The following SWAP70 variants were observed in gnomAD, a reference collection of about 807,000 sequenced individuals.
The protein encoded by SWAP70 is switching B cell complex subunit SWAP70.
In SWAP70, 34 loss-of-function variants were observed where a neutral mutation model predicts 80.2. The ratio of observed to expected loss-of-function variants is 0.42; its 90% CI spans 0.32 to 0.56. The LOEUF (loss-of-function observed/expected upper bound fraction) is 0.56, where lower values mean the gene tolerates loss of function less well. Ranked by LOEUF, SWAP70 falls within the 20% of genes least tolerant of loss-of-function variation. The pLI is 0.09. For missense variants in SWAP70, 578 were observed against 690.7 expected, an observed-to-expected ratio of 0.84 and a Z score of 1.83; for synonymous variants, 239 against 238.5, an observed-to-expected ratio of 1.00 and a Z score of -0.02.
chr11:9,739,432 T>A (rs527720926), intron 8 of SWAP70, among the ~76,000 whole-genome samples: 1 of 152,262 alleles, frequency 6.6e-6, no homozygotes, highest in Non-Finnish European at 1.5e-5. Flanking sequence ...TTACTGAACA[T>A]TGGCTTTTTC....
intron 3 of SWAP70, among the ~76,000 whole-genome samples, chr11:9,722,388 C>T (rs1340706567): frequency 6.6e-6 from 1 of 152,212 alleles, no homozygotes; most frequent in Non-Finnish European, 1.5e-5. Flanking sequence ...ACGTTAAGTG[C>T]AGTGACCTAG....
chr11:9,726,101 T>C lies in SWAP70; in HGVS notation c.642+1216T>C, dbSNP rs114757762. Reference sequence around the variant, plus strand: ...GTGAATTTTTTTCTTCTTTATTCCTTTCTGTATTATTGGACTTTCTATATG... The same window carrying C: ...GTGAATTTTTTTCTTCTTTATTCCTCTCTGTATTATTGGACTTTCTATATG... On this transcript the variant is annotated intron_variant, in intron 4 of 11. Coordinates refer to ENST00000318950, the MANE Select transcript of SWAP70 (RefSeq NM_015055.4). Among the ~76,000 whole-genome samples, 911 of 152,292 alleles carry C rather than the reference T, an allele frequency of 6.0e-3. 6 individuals are homozygous for C. The highest frequency in any genetic ancestry group is 0.021 in the African/African-American group (861 of 41,558).
chr11:9,743,570 T>C (rs1487439448), intron 9 of SWAP70, among the ~76,000 whole-genome samples: 1 of 151,626 alleles, frequency 6.6e-6, no homozygotes, highest in African/African-American at 2.4e-5. Context: ...TGTTGTTTCC[T>C]GACTTTTTAA....
chr11:9,727,931 A>G, intron 4 of SWAP70, 122 bp from the exon 5 acceptor site: 2 of 983,764 alleles, frequency 2.0e-6, no homozygotes, highest in South Asian at 1.9e-5. Flanking sequence ...TCCAAGAACA[A>G]TTGGTGTTCA....
intron 6 of SWAP70, among the ~76,000 whole-genome samples, chr11:9,730,966 G>A (rs1329382924): frequency 6.6e-6 from 1 of 152,100 alleles, no homozygotes; most frequent in African/African-American, 2.4e-5. Flanking sequence ...AGTGTCTGCT[G>A]TTGCCACTTT....
Position 9,664,208 on chromosome 11 carries a change from A to G in SWAP70, c.29A>G (p.Lys10Arg). 1 of 1,591,598 alleles carries G rather than the reference A, an allele frequency of 6.3e-7. No individual in the cohort carries two copies. Among genetic ancestry groups the G allele is most frequent in the Admixed American group, 1.7e-5 (1 of 57,328 alleles). The change falls in exon 1 of 12, where the codon AAA (lysine) becomes AGA (arginine). Residue 10 changes from lysine to arginine, a missense_variant. Physicochemically the swap from Lys to Arg is conservative, Grantham distance 26. Transcript: ENST00000318950. MGSLKEELLKAIWHAFTALD... is the reference protein window; with the variant it reads MGSLKEELLRAIWHAFTALD... ...GGGAGCTTGAAGGAGGAGCTGCTCA[A>G]AGCCATCTGGCACGCCTTCACCGCA...
chr11:9,698,298 A>C (rs535744072), intron 2 of SWAP70, among the ~76,000 whole-genome samples: 127 of 151,926 alleles, frequency 8.4e-4, no homozygotes, highest in African/African-American at 2.7e-3. Context: ...ATGGGGTTTT[A>C]CCATGTTGGC....
chr11:9,725,060 C>T (rs1014656017), intron 4 of SWAP70, 175 bp downstream of exon 4: 12 of 569,956 alleles, frequency 2.1e-5, no homozygotes, highest in Non-Finnish European at 2.4e-5. Flanking sequence ...AGTGCAGTGA[C>T]GTGATCTTGG....
chr11:9,747,910 G>T lies in SWAP70; in HGVS notation c.1408G>T (p.Glu470Ter). ...KRAELEKWHL[E>*]QQQAIQTTEA... is the part of the protein sequence containing the mutation. ...GGCTGAACTAGAAAAGTGGCACTTG[G>T]AGCAGCAGCAGGCCATTCAGACAAC... The change falls in exon 10 of 12, where the codon GAG becomes TAG. Residue 470 changes from glutamate (E) to a stop codon, truncating the protein, a stop_gained. Transcript: ENST00000318950. LOFTEE classifies it high-confidence loss of function. The T allele has an allele frequency of 6.2e-7, 1 of 1,614,186 alleles. No homozygotes were observed. The highest frequency in any genetic ancestry group is 8.5e-7 in the Non-Finnish European group (1 of 1,180,044).
intron 1 of SWAP70, among the ~76,000 whole-genome samples, chr11:9,672,195 C>CTATTTATATATATATA (rs530619499): frequency 1.3e-5 from 1 of 78,418 alleles, no homozygotes; most frequent in Non-Finnish European, 2.3e-5. Context: ...ATGTGTGTGT[C>CTATTTATATATATATA]TATATATATA....
At chr11:9,742,280 A>T (rs1458923482) in intron 9 of SWAP70, among the ~76,000 whole-genome samples, 1 of 152,086 alleles carries the variant, frequency 6.6e-6, no homozygotes, top group African/African-American at 2.4e-5. Flanking sequence ...TTATTTTATT[A>T]TTCTAAATTT....
At chr11:9,683,171 G>A (rs940538543) in intron 1 of SWAP70, among the ~76,000 whole-genome samples, 2 of 152,180 alleles carry the variant, frequency 1.3e-5, no homozygotes, top group South Asian at 4.1e-4. Context: ...GGCTGAGGCA[G>A]GTGGATGGCT....
At chr11:9,664,344 G>A in intron 1 of SWAP70, 66 bp downstream of exon 1, 3 of 1,497,872 alleles carry the variant, frequency 2.0e-6, no homozygotes, top group East Asian at 2.6e-5. Context: ...TCCCTTGGGT[G>A]GAAGCGGGAC....
intron 2 of SWAP70, among the ~76,000 whole-genome samples, chr11:9,698,100 GTT>G (rs1255294896): frequency 2.6e-5 from 3 of 116,288 alleles, no homozygotes; most frequent in Non-Finnish European, 1.6e-5. Flanking sequence ...CATGTTTTTT[GTT>G]TTTTTTTTTT....
intron 4 of SWAP70, 121 bp from the exon 5 acceptor site, chr11:9,727,932 T>G (rs1201716207): frequency 2.0e-6 from 2 of 981,532 alleles, no homozygotes; most frequent in Non-Finnish European, 2.9e-6. Flanking sequence ...CCAAGAACAA[T>G]TGGTGTTCAT....
chr11:9,690,257 A>G (rs1422883376), intron 1 of SWAP70, among the ~76,000 whole-genome samples: 2 of 152,158 alleles, frequency 1.3e-5, no homozygotes, highest in Non-Finnish European at 1.5e-5. Context: ...GCCATCAAAA[A>G]TTTTATTTCT....
At position 9,730,928 on chromosome 11, in the gene SWAP70, G is replaced by C. The variant is rs371573683; in HGVS notation, c.898+1477G>C. 3.5e-3 allele frequency among the ~76,000 whole-genome samples: 531 copies of C among 152,236 alleles called. 3 individuals carry two copies. Among genetic ancestry groups the C allele is most frequent in the South Asian group, 4.8e-3 (23 of 4,832 alleles). ...CTAGAGTTTTCCAACCTCTTCCCCC[G>C]TCTCTACCTCCCGTCCCAGTAGTCC... On this transcript the variant is annotated intron_variant, in intron 6 of 11. Coordinates refer to ENST00000318950, the MANE Select transcript of SWAP70 (RefSeq NM_015055.4).
intron 1 of SWAP70, among the ~76,000 whole-genome samples, chr11:9,670,392 C>T (rs1850360845): frequency 6.6e-6 from 1 of 152,018 alleles, no homozygotes. Context: ...GGAAAAGCCA[C>T]AAGAAGGAGC....
At chr11:9,681,025 C>G (rs1026851958) in intron 1 of SWAP70, 1 of 159,216 alleles carries the variant, frequency 6.3e-6, no homozygotes, top group Admixed American at 6.5e-5. Context: ...TCCTCCCTCA[C>G]CACTCCATGT....
Sources: gnomAD v4.1 joint callset for allele counts (sites outside exome capture counted in the v4.1 genomes callset) on GRCh38, gnomAD v4.1.1 for gene constraint, MANE v1.5 for transcripts, NCBI Gene and HGNC (gene_info 2026-07-23, HGNC 2026-07-21) for gene names.